Variants in PLGRKT observed in about 807,000 individuals in gnomAD.
PLGRKT encodes the protein plasminogen receptor with a C-terminal lysine, also known as plasminogen receptor (KT).
PLGRKT carries 22 observed loss-of-function variants against 18.5 expected under a neutral mutation model. That is an observed-to-expected ratio of 1.19 (90% CI 0.85 to 1.70). The LOEUF is 1.70. Ranked by LOEUF, PLGRKT falls within the 40% of genes most tolerant of loss-of-function variation. PLGRKT has a pLI of 0.00. For synonymous variants in PLGRKT, 72 were observed against 52.8 expected (o/e 1.36, Z -1.58); for missense variants, 235 against 174.4 (o/e 1.35, Z -1.96).
Position 5,377,438 on chromosome 9 carries a change from G to A in PLGRKT, c.82-15550C>T, listed in dbSNP as rs534085632. On this transcript the variant is annotated intron_variant, in intron 3 of 5. Transcript: ENST00000223864. ...ATGTAAGCAGGGATTACTGGGTAGT[G>A]ACATAAGAGACTATTCATTTTTTTC... 9.2e-5 allele frequency among the ~76,000 whole-genome samples: 14 copies of A among 152,202 alleles called. No individual in the cohort carries two copies. In the East Asian group the frequency reaches 2.5e-3, roughly 27 times the overall value.
chr9:5,371,215 T>C (rs1015400151), intron 3 of PLGRKT, among the ~76,000 whole-genome samples: 2 of 152,148 alleles, frequency 1.3e-5, no homozygotes, highest in Non-Finnish European at 2.9e-5. Flanking sequence ...AAAATAAATA[T>C]TTAGACTTTT....
intron 3 of PLGRKT, among the ~76,000 whole-genome samples, chr9:5,388,489 A>C (rs1476076716): frequency 1.3e-5 from 2 of 152,036 alleles, no homozygotes; most frequent in Non-Finnish European, 2.9e-5. Context: ...TATTCTTGCC[A>C]AGAGATCATA....
chr9:5,380,000 T>A (rs762483417), intron 3 of PLGRKT, among the ~76,000 whole-genome samples: 2 of 152,202 alleles, frequency 1.3e-5, no homozygotes, highest in African/African-American at 4.8e-5. Context: ...TGGGGACCAA[T>A]TAAATGTCTA....
At chr9:5,389,872 G>A (rs1817915134) in intron 3 of PLGRKT, among the ~76,000 whole-genome samples, 1 of 151,838 alleles carries the variant, frequency 6.6e-6, no homozygotes, top group Non-Finnish European at 1.5e-5. Flanking sequence ...ACACCTGTGG[G>A]AACTCCCAGC....
intron 3 of PLGRKT, among the ~76,000 whole-genome samples, chr9:5,384,831 G>GC (rs753632800): frequency 1.3e-5 from 2 of 152,062 alleles, no homozygotes; most frequent in Non-Finnish European, 2.9e-5. Context: ...CTCACACACA[G>GC]CAAGTGCCTA....
chr9:5,408,553 T>A (rs1715128634), intron 3 of PLGRKT, among the ~76,000 whole-genome samples: 1 of 152,200 alleles, frequency 6.6e-6, no homozygotes, highest in South Asian at 2.1e-4. Context: ...AACTGGAACT[T>A]ATATTTAAAA....
At chr9:5,431,597 G>A (rs1250661431) in intron 3 of PLGRKT, among the ~76,000 whole-genome samples, 1 of 150,790 alleles carries the variant, frequency 6.6e-6, no homozygotes, top group Non-Finnish European at 1.5e-5. Context: ...GCATAATCCA[G>A]GATAATCTCC....
chr9:5,432,968 T>G (rs1180305626), intron 2 of PLGRKT, among the ~76,000 whole-genome samples: 1 of 151,312 alleles, frequency 6.6e-6, no homozygotes, highest in South Asian at 2.1e-4. Flanking sequence ...GTCTGGGAGG[T>G]GAGGAGCATC....
At chr9:5,433,368 CT>C (rs1818874017) in intron 2 of PLGRKT, among the ~76,000 whole-genome samples, 1 of 149,614 alleles carries the variant, frequency 6.7e-6, no homozygotes, top group Non-Finnish European at 1.5e-5. Flanking sequence ...TGAGGAGCAT[CT>C]CTGCCTGACC....
chr9:5,428,879 T>C (rs1818758380), intron 3 of PLGRKT, among the ~76,000 whole-genome samples: 1 of 152,146 alleles, frequency 6.6e-6, no homozygotes, highest in Non-Finnish European at 1.5e-5. Flanking sequence ...TTTAAATTTT[T>C]TAAATGGAGA....
In PLGRKT at chr9:5,408,134, T is replaced by A. The variant is rs367712997; in HGVS notation, c.81+23763A>T. Among the ~76,000 whole-genome samples the A allele has an allele frequency of 3.9e-4, 59 of 152,364 alleles. 1 individual carries two copies. In the South Asian group the frequency reaches 0.012, roughly 30 times the overall value. The stretch of plus-strand genomic sequence containing the variant: ...TATATTTTGCTATAAAATCATATTA[T>A]CTTGTTCACACTGAAAGTGGCTTTC... On this transcript the variant is annotated intron_variant, in intron 3 of 5. Coordinates refer to ENST00000223864, the MANE Select transcript of PLGRKT (RefSeq NM_018465.4).
intron 3 of PLGRKT, among the ~76,000 whole-genome samples, chr9:5,393,905 C>A (rs1223578205): frequency 6.6e-6 from 1 of 151,844 alleles, no homozygotes; most frequent in Non-Finnish European, 1.5e-5. Context: ...AATATATGCC[C>A]TCATGGAAAT....
At chr9:5,361,616 C>A (rs1294555966) in intron 4 of PLGRKT, 142 bp downstream of exon 4, 8 of 712,504 alleles carry the variant, frequency 1.1e-5, no homozygotes, top group Non-Finnish European at 1.8e-5. Flanking sequence ...GAGTTACCCC[C>A]AAGGACTAAG....
intron 3 of PLGRKT, among the ~76,000 whole-genome samples, chr9:5,382,523 A>G (rs1439361155): frequency 6.6e-6 from 1 of 152,214 alleles, no homozygotes; most frequent in Non-Finnish European, 1.5e-5. Context: ...ATTTGAGGAA[A>G]TGAAATAAAT....
At chr9:5,375,791 T>C (rs1586708282) in intron 3 of PLGRKT, among the ~76,000 whole-genome samples, 1 of 152,108 alleles carries the variant, frequency 6.6e-6, no homozygotes, top group African/African-American at 2.4e-5. Flanking sequence ...AATGGTAAGG[T>C]GATTCCTAAA....
chr9:5,411,289 G>A (rs1312777711), intron 3 of PLGRKT, among the ~76,000 whole-genome samples: 1 of 151,496 alleles, frequency 6.6e-6, no homozygotes, highest in African/African-American at 2.4e-5. Flanking sequence ...GGAGGCTGAG[G>A]CAGGAGAATC....
At chr9:5,393,695 G>C (rs1209298114) in intron 3 of PLGRKT, among the ~76,000 whole-genome samples, 1 of 151,708 alleles carries the variant, frequency 6.6e-6, no homozygotes, top group African/African-American at 2.4e-5. Flanking sequence ...TGTAGTTTTT[G>C]CTGAGGTTTC....
chr9:5,389,884 A>G (rs1817915296), intron 3 of PLGRKT, among the ~76,000 whole-genome samples: 1 of 151,928 alleles, frequency 6.6e-6, no homozygotes, highest in Non-Finnish European at 1.5e-5. Flanking sequence ...ACTCCCAGCC[A>G]GAAAGCACAT....
At position 5,359,601 on chromosome 9, in the gene PLGRKT, A is replaced by G. The variant is rs115135899; in HGVS notation, c.323-1241T>C. 5.2e-3 allele frequency among the ~76,000 whole-genome samples: 786 copies of G among 152,364 alleles called. 5 individuals are homozygous for G. Among genetic ancestry groups the G allele is most frequent in the African/African-American group, 0.018 (753 of 41,590 alleles). ...ATGTGTTAAAAGAATGGCTGATGAT[A>G]AACTCAGTCGAATAGGGATTGTATA... On this transcript the variant is annotated intron_variant, in intron 5 of 5. Coordinates refer to ENST00000223864, the MANE Select transcript of PLGRKT (RefSeq NM_018465.4).
Sources: allele counts gnomAD v4.1 joint callset (sites outside exome capture counted in the v4.1 genomes callset), GRCh38; gene constraint gnomAD v4.1.1; transcripts MANE v1.5; gene names NCBI Gene and HGNC (gene_info 2026-07-23, HGNC 2026-07-21).